GRIK1: variants seen among roughly 807,000 people sequenced by gnomAD.
GRIK1 encodes glutamate receptor ionotropic, kainate 1.
Under a neutral mutation model 105.7 loss-of-function variants are expected in GRIK1, and 69 were observed. The ratio of observed to expected loss-of-function variants is 0.65; its 90% CI spans 0.54 to 0.80. The LOEUF (loss-of-function observed/expected upper bound fraction) is 0.80, where lower values mean the gene tolerates loss of function less well. Among genes scored for constraint, GRIK1 ranks in the 30% least tolerant of loss-of-function variants. GRIK1 has a pLI of 0.00. For synonymous variants in GRIK1, 438 were observed against 431.3 expected, an observed-to-expected ratio of 1.02 and a Z score of -0.19; for missense variants, 1,109 against 1,167.3, an observed-to-expected ratio of 0.95 and a Z score of 0.73.
intron 1 of GRIK1, among the ~76,000 whole-genome samples, chr21:29,790,197 G>A (rs1193386312): frequency 2.0e-5 from 3 of 152,108 alleles, no homozygotes; most frequent in Admixed American, 2.0e-4. Flanking sequence ...CTACAGGCAT[G>A]CGCCACCACT....
chr21:29,664,230 G>A (rs2063019162), intron 4 of GRIK1, among the ~76,000 whole-genome samples: 1 of 152,140 alleles, frequency 6.6e-6, no homozygotes, highest in Non-Finnish European at 1.5e-5. Context: ...GAGGAATCTT[G>A]GAAATCATTG....
chr21:29,608,422 A>G (rs1233674957), intron 7 of GRIK1, among the ~76,000 whole-genome samples: 2 of 152,192 alleles, frequency 1.3e-5, no homozygotes, highest in Non-Finnish European at 2.9e-5. Context: ...GTCTGAATAA[A>G]AACAAGGAAA....
chr21:29,649,951 C>G (rs1029253004), intron 6 of GRIK1, among the ~76,000 whole-genome samples: 1 of 152,146 alleles, frequency 6.6e-6, no homozygotes, highest in East Asian at 1.9e-4. Context: ...GATCTATTAG[C>G]GTGCTTCTCC....
At chr21:29,912,408 TA>T (rs1018248370) in intron 1 of GRIK1, among the ~76,000 whole-genome samples, 4 of 151,980 alleles carry the variant, frequency 2.6e-5, no homozygotes, top group African/African-American at 9.7e-5. Context: ...ACTTCTCCCC[TA>T]CACAGAAACA....
Position 29,765,882 on chromosome 21 carries a change from C to T in GRIK1, c.119-71819G>A, listed in dbSNP as rs1003602232. 5.3e-5 allele frequency among the ~76,000 whole-genome samples: 8 copies of T among 150,770 alleles called. No individual in the cohort carries two copies. In the East Asian group the frequency reaches 5.8e-4, roughly 11 times the overall value. ...CTTTTTTTTTTTTGAGACAGAATCTCGCTCTGTCACCCAGGCTGGAGTGCA... is the reference window on the plus strand; with the variant it reads ...CTTTTTTTTTTTTGAGACAGAATCTTGCTCTGTCACCCAGGCTGGAGTGCA... On this transcript the variant is annotated intron_variant, in intron 1 of 17. Transcript: ENST00000327783.
intron 1 of GRIK1, among the ~76,000 whole-genome samples, chr21:29,747,368 T>C (rs1295474515): frequency 6.6e-6 from 1 of 152,190 alleles, no homozygotes; most frequent in African/African-American, 2.4e-5. Flanking sequence ...CACATCAGAT[T>C]AATCTCCCAA....
chr21:29,828,302 C>T (rs2067531058), intron 1 of GRIK1, among the ~76,000 whole-genome samples: 1 of 151,840 alleles, frequency 6.6e-6, no homozygotes, highest in East Asian at 1.9e-4. Context: ...TGCCACAAAC[C>T]CTAAATCATT....
intron 1 of GRIK1, among the ~76,000 whole-genome samples, chr21:29,797,867 CT>C (rs1461231310): frequency 6.6e-6 from 1 of 152,156 alleles, no homozygotes. Context: ...CCAATCATCC[CT>C]TTATTATTGC....
intron 16 of GRIK1, among the ~76,000 whole-genome samples, chr21:29,549,348 A>G (rs2090093510): frequency 6.6e-6 from 1 of 152,146 alleles, no homozygotes; most frequent in African/African-American, 2.4e-5. Context: ...ATTGTTGGGG[A>G]AAAAAATGTA....
intron 3 of GRIK1, among the ~76,000 whole-genome samples, chr21:29,685,338 G>A (rs984692539): frequency 1.3e-5 from 2 of 152,078 alleles, no homozygotes; most frequent in Non-Finnish European, 2.9e-5. Flanking sequence ...TAAACTTTGG[G>A]CCAGTTTAGT....
chr21:29,787,448 G>C (rs1379100052), intron 1 of GRIK1, among the ~76,000 whole-genome samples: 1 of 152,204 alleles, frequency 6.6e-6, no homozygotes, highest in Admixed American at 6.5e-5. Context: ...ATCTGGAGGA[G>C]AGGGAGAGGG....
At chr21:29,570,843 C>CTTT (rs34929553) in intron 14 of GRIK1, among the ~76,000 whole-genome samples, 25 of 146,080 alleles carry the variant, frequency 1.7e-4, no homozygotes, top group African/African-American at 5.8e-4. Flanking sequence ...CTTAGAGTTG[C>CTTT]TTTTTTTTTT....
chr21:29,884,289 A>C (rs1293887303), intron 1 of GRIK1, among the ~76,000 whole-genome samples: 2 of 152,002 alleles, frequency 1.3e-5, no homozygotes, highest in African/African-American at 2.4e-5. Flanking sequence ...GTCCATTATA[A>C]ATCCTTTTTC....
At chr21:29,740,227 T>C (rs961579746) in intron 1 of GRIK1, among the ~76,000 whole-genome samples, 2 of 151,768 alleles carry the variant, frequency 1.3e-5, no homozygotes, top group Admixed American at 6.6e-5. Flanking sequence ...CTTTTCTTTT[T>C]TTTTTTTTTG....
At chr21:29,780,957 A>C (rs1004020520) in intron 1 of GRIK1, among the ~76,000 whole-genome samples, 2 of 151,980 alleles carry the variant, frequency 1.3e-5, no homozygotes, top group Non-Finnish European at 2.9e-5. Context: ...AATTATACCA[A>C]CCCCTCAACC....
intron 1 of GRIK1, among the ~76,000 whole-genome samples, chr21:29,857,117 A>T (rs958679023): frequency 6.6e-6 from 1 of 152,240 alleles, no homozygotes; most frequent in Non-Finnish European, 1.5e-5. Flanking sequence ...ACTTTGTTTC[A>T]GTTTCAAATG....
intron 1 of GRIK1, among the ~76,000 whole-genome samples, chr21:29,706,951 G>A (rs932949054): frequency 6.6e-6 from 1 of 151,956 alleles, no homozygotes; most frequent in Non-Finnish European, 1.5e-5. Flanking sequence ...TGCAAGCTCC[G>A]CCTCCCGGGT....
chr21:29,766,116 T>C (rs1015191512), intron 1 of GRIK1, among the ~76,000 whole-genome samples: 6 of 152,142 alleles, frequency 3.9e-5, no homozygotes, highest in Non-Finnish European at 8.8e-5. Context: ...CCAAAAGTGC[T>C]GGGATTACAG....
At chr21:29,926,118 A>C (rs2071362588) in intron 1 of GRIK1, among the ~76,000 whole-genome samples, 1 of 151,994 alleles carries the variant, frequency 6.6e-6, no homozygotes. Flanking sequence ...AAAAAAAAAA[A>C]AAACTTGCAA....
Sources: allele counts gnomAD v4.1 joint callset (sites outside exome capture counted in the v4.1 genomes callset), GRCh38; gene constraint gnomAD v4.1.1; transcripts MANE v1.5; gene names NCBI Gene and HGNC (gene_info 2026-07-23, HGNC 2026-07-21).